The following HR variants were observed in gnomAD, a reference collection of about 807,000 sequenced individuals.
HR encodes the protein HR lysine demethylase and nuclear receptor corepressor, also known as lysine-specific demethylase hairless.
HR carries 83 observed loss-of-function variants against 128.6 expected under a neutral mutation model. The observed-to-expected ratio is 0.65, with a 90% confidence interval of 0.54 to 0.77. The LOEUF (loss-of-function observed/expected upper bound fraction) is 0.77, where lower values mean the gene tolerates loss of function less well. Among genes scored for constraint, HR ranks in the 30% least tolerant of loss-of-function variants. The pLI is 0.00. For missense variants in HR, 1,490 were observed against 1,574.6 expected, an observed-to-expected ratio of 0.95 and a Z score of 0.91; for synonymous variants, 681 against 658.2, an observed-to-expected ratio of 1.03 and a Z score of -0.53.
In HR at chr8:22,116,081, G is replaced by A. The variant is rs2131748315; in HGVS notation, c.3507+219C>T. ...ACCCAGGAGGCGGAGGTTGCAGGGA[G>A]CTGAGATAGTGCCACTGCACTCCAG... On this transcript the variant is annotated intron_variant, in intron 18 of 18. Coordinates refer to ENST00000381418, the MANE Select transcript of HR (RefSeq NM_005144.5). This position sits in a 1 kb window ranked among gnomAD's most constrained non-coding sequence, Gnocchi z 4.2. Among the ~76,000 whole-genome samples, 1 of 152,358 alleles carries A rather than the reference G, an allele frequency of 6.6e-6. No individual in the cohort carries two copies. Among genetic ancestry groups the A allele is most frequent in the East Asian group, 1.9e-4 (1 of 5,186 alleles).
In HR at chr8:22,125,625, C is replaced by T. The variant is rs1304764639; in HGVS notation, c.1513G>A (p.Gly505Arg). The T allele has an allele frequency of 2.5e-6, 4 of 1,609,482 alleles. No homozygotes were observed. In the East Asian group the frequency reaches 6.7e-5, roughly 27 times the overall value. Residue 505 changes from glycine to arginine, a missense_variant, in exon 4 of 19, where the codon GGA becomes AGA. Transcript: ENST00000381418. The stretch of plus-strand genomic sequence containing the variant: ...TGGCAGGCGTGCCCTCCTCCCTCTC[C>T]AGCTGCCTGGGCACAACTTTGGCAT... ...AQCQSCAQAA[G>R]EGGGHACHSQ... is the part of the protein sequence containing the mutation.
In HR at chr8:22,121,105, A is replaced by G. The variant is rs1826739505; in HGVS notation, c.2327T>C (p.Ile776Thr). 1 of 1,613,842 alleles carries G rather than the reference A, an allele frequency of 6.2e-7. No homozygotes were observed. Among genetic ancestry groups the G allele is most frequent in the Non-Finnish European group, 8.5e-7 (1 of 1,180,038 alleles). The part of the protein sequence containing the change: ...AVKLCLGHER[I>T]HMAFAPVTPA... ...AGTGACGGGGGCGAAGGCCATGTGTATTCGCTCATGGCCCAAGCAGAGTTT... is the reference window on the plus strand; with the variant it reads ...AGTGACGGGGGCGAAGGCCATGTGTGTTCGCTCATGGCCCAAGCAGAGTTT... Residue 776 changes from isoleucine to threonine, a missense_variant, in exon 10 of 19, where the codon ATA becomes ACA. Coordinates refer to ENST00000381418, the MANE Select transcript of HR (RefSeq NM_005144.5).
In HR at chr8:22,115,337, G is replaced by A. The variant is rs111510877; in HGVS notation, c.*363C>T. ...GGCTCAGCGGGAGTGAGCAGCAGGA[G>A]GAGGTGTTGTTTAAGCCAGAATGAT... On this transcript the variant is annotated 3_prime_UTR_variant, in exon 19 of 19. Transcript: ENST00000381418. 2.0e-4 allele frequency: 80 copies of A among 409,698 alleles called. No homozygotes were observed. Among genetic ancestry groups the A allele is most frequent in the African/African-American group, 1.5e-3 (73 of 49,700 alleles). The allele number at this position is 409,698 out of a possible 1,614,324, so 25.4% of individuals were successfully genotyped here.
chr8:22,122,927 C>T (rs370081751), intron 6 of HR, 48 bp from the exon 7 acceptor site: 18 of 1,523,548 alleles, frequency 1.2e-5, no homozygotes, highest in Non-Finnish European at 1.5e-5. Flanking sequence ...TCAAGGTAAT[C>T]ACAGGTTAAG....
rs1586385043 is a variant in HR, at chr8:22,127,323, G to T, written c.1119C>A (p.Pro373=). The T allele has an allele frequency of 1.9e-6, 3 of 1,613,398 alleles. No homozygotes were observed. Among genetic ancestry groups the T allele is most frequent in the Non-Finnish European group, 2.5e-6 (3 of 1,180,026 alleles). ...TCTTCTTCAGCTTGGTGTGGTGGCT[G>T]GGGGGACAGGCCCTGGGGCCAGAGG... The part of the protein sequence containing the change: ...NKASGPRACP[P]SHHTKLKKTW... Residue 373 remains proline (P), a synonymous_variant, in exon 3 of 19, where the codon CCC becomes CCA. Coordinates refer to ENST00000381418, the MANE Select transcript of HR (RefSeq NM_005144.5).
Position 22,119,905 on chromosome 8 carries a change from G to A in HR, c.2847-15C>T, listed in dbSNP as rs530270015. ...GGTTCTCCACCCTGTCAGGGTAGGG[G>A]GTCATGCCCAGCAGGCCCAACCTGG... On this transcript the variant is annotated splice_polypyrimidine_tract_variant and intron_variant, in intron 13 of 18. Transcript: ENST00000381418. 4 of 1,613,070 alleles carry A rather than the reference G, an allele frequency of 2.5e-6. No individual in the cohort carries two copies. The highest frequency in any genetic ancestry group is 2.7e-5 in the African/African-American group (2 of 75,054).
chr8:22,117,138 GAGCCGAAGGGTCA>G (rs1826613564), intron 16 of HR, 99 bp from the exon 17 acceptor site: 20 of 1,237,116 alleles, frequency 1.6e-5, no homozygotes, highest in Non-Finnish European at 2.0e-5. Flanking sequence ...GTGGAGAAAA[GAGCCGAAGGGTCA>G]AGTCTTGAAG....
At position 22,125,483 on chromosome 8, in the gene HR, C is replaced by T. The variant is rs754040708; in HGVS notation, c.1578G>A (p.Leu526=). 1 of 1,613,478 alleles carries T rather than the reference C, an allele frequency of 6.2e-7. No individual in the cohort carries two copies. Among genetic ancestry groups the T allele is most frequent in the Non-Finnish European group, 8.5e-7 (1 of 1,179,996 alleles). ...TGGTGGCTGTGTCTTCCTCCTGCTG[C>T]AGCTCCCCTCCCAGAGGCGATCTGG... is the stretch of plus-strand genomic sequence containing the variant. ...QVRRSPLGGE[L]QQEEDTATNS... Residue 526 remains leucine (L), a synonymous_variant, in exon 5 of 19, where the codon CTG becomes CTA. Coordinates refer to ENST00000381418, the MANE Select transcript of HR (RefSeq NM_005144.5).
Position 22,127,777 on chromosome 8 carries a change from G to T in HR, c.665C>A (p.Ala222Glu). ...GCCAAACAACCCAGGTTCCGCAGCT[G>T]CCAAGGGCTCCTTTGCCAACCTGGG... ...SIPRLAKEPLAAAEPGLFGLN... is the reference protein window; with the variant it reads ...SIPRLAKEPLEAAEPGLFGLN... Residue 222 changes from alanine to glutamate, a missense_variant, in exon 3 of 19, where the codon GCA becomes GAA. Coordinates refer to ENST00000381418, the MANE Select transcript of HR (RefSeq NM_005144.5). 1 of 1,599,960 alleles carries T rather than the reference G, an allele frequency of 6.3e-7. No individual in the cohort carries two copies.
chr8:22,127,394 C>T lies in HR; in HGVS notation c.1048G>A (p.Gly350Arg). ...GGTTCGCTGGCTCCACTGGCACCCC[C>T]CTCCAGGCCCTCCTGGCACTTCCCA... is the stretch of plus-strand genomic sequence containing the variant. ...PCGKCQEGLE[G>R]GASGASEPSE... The change falls in exon 3 of 19, where the codon GGG becomes AGG. Residue 350 changes from glycine (G) to arginine (R), a missense_variant. Transcript: ENST00000381418. 1.9e-6 allele frequency: 3 copies of T among 1,613,328 alleles called. No homozygotes were observed. Among genetic ancestry groups the T allele is most frequent in the Non-Finnish European group, 2.5e-6 (3 of 1,179,976 alleles).
rs540071488 is a variant in HR, at chr8:22,116,079, G to C, written c.3507+221C>G. ...GAACCCAGGAGGCGGAGGTTGCAGG[G>C]AGCTGAGATAGTGCCACTGCACTCC... On this transcript the variant is annotated intron_variant, in intron 18 of 18. Transcript: ENST00000381418. This position sits in a 1 kb window ranked among gnomAD's most constrained non-coding sequence, Gnocchi z 4.2. 1.2e-3 allele frequency among the ~76,000 whole-genome samples: 189 copies of C among 152,330 alleles called. 1 individual carries two copies. The highest frequency in any genetic ancestry group is 6.8e-3 in the Middle Eastern group (2 of 294).
Position 22,127,584 on chromosome 8 carries a change from A to G in HR, c.858T>C (p.Leu286=), listed in dbSNP as rs1826931791. Residue 286 remains leucine, a synonymous_variant, in exon 3 of 19, where the codon CTT becomes CTC. Transcript: ENST00000381418. The part of the protein sequence containing the change: ...WTSWPACPPG[L]VHTLGNVWAG... ...CCCAGACGTTGCCAAGAGTATGAAC[A>G]AGGCCTGGGGGACAAGCGGGCCAGG... The G allele has an allele frequency of 6.2e-7, 1 of 1,612,644 alleles. No individual in the cohort carries two copies.
In HR at chr8:22,129,050, G is replaced by A; in HGVS notation, c.121C>T (p.Leu41=). The A allele has an allele frequency of 6.2e-7, 1 of 1,600,564 alleles. No individual in the cohort carries two copies. Among genetic ancestry groups the A allele is most frequent in the Non-Finnish European group, 8.5e-7 (1 of 1,172,894 alleles). Residue 41 remains leucine (L), a synonymous_variant, in exon 2 of 19, where the codon CTG becomes TTG. Coordinates refer to ENST00000381418, the MANE Select transcript of HR (RefSeq NM_005144.5). ...AAGGGAGCAGGCTCTCCCAGGCACA[G>A]CGGCCCATGGTGCAGTCCATCTCGA... ...PPRDGLHHGP[L]CLGEPAPFWR... is the part of the protein sequence containing the mutation.
Position 22,115,321 on chromosome 8 carries a change from G to T in HR, c.*379C>A, listed in dbSNP as rs564996158. Reference sequence around the variant, plus strand: ...CTGGGGCAGTAGAGTGGGCTCAGCGGGAGTGAGCAGCAGGAGGAGGTGTTG... The same window carrying T: ...CTGGGGCAGTAGAGTGGGCTCAGCGTGAGTGAGCAGCAGGAGGAGGTGTTG... On this transcript the variant is annotated 3_prime_UTR_variant, in exon 19 of 19. Transcript: ENST00000381418. The T allele has an allele frequency of 7.5e-5, 28 of 374,750 alleles. No individual in the cohort carries two copies. The highest frequency in any genetic ancestry group is 5.7e-4 in the Admixed American group (15 of 26,334). 23.2% of individuals were successfully genotyped at this position (374,750 alleles called of 1,614,324 possible).
rs1237030510 is a variant in HR, at chr8:22,120,404, C to G, written c.2714G>C (p.Gly905Ala). The G allele has an allele frequency of 6.2e-7, 1 of 1,613,930 alleles. No individual in the cohort carries two copies. ...GGQVQALSPL[G>A]PPQPSSLGST... ...GCCCAGGCTGCTGGGCTGGGGAGGT[C>G]CGAGGGGGCTCAGCGCCTGCACCTG... The change falls in exon 12 of 19, where the codon GGA becomes GCA. Residue 905 changes from glycine to alanine, a missense_variant. Around this residue, in one of 3 missense-constraint regions of HR, gnomAD observed 423 missense variants for 495.9 expected, o/e 0.85. Coordinates refer to ENST00000381418, the MANE Select transcript of HR (RefSeq NM_005144.5).
rs1370481270 is a variant in HR, at chr8:22,116,113, T to G, written c.3507+187A>C. The stretch of plus-strand genomic sequence containing the variant: ...TAGTGCCACTGCACTCCAGCCTAGG[T>G]GACAGAACAAGACTCCATCTCAAAA... On this transcript the variant is annotated intron_variant, in intron 18 of 18. Transcript: ENST00000381418. The surrounding 1 kb of genome is among the most constrained non-coding windows in gnomAD (Gnocchi z 4.2). Among the ~76,000 whole-genome samples, 4 of 152,148 alleles carry G rather than the reference T, an allele frequency of 2.6e-5. No homozygotes were observed. In the East Asian group the frequency reaches 7.7e-4, roughly 29 times the overall value.
At chr8:22,122,418 G>A (rs1400896998) in intron 8 of HR, 75 bp downstream of exon 8, 8 of 1,035,898 alleles carry the variant, frequency 7.7e-6, no homozygotes, top group Non-Finnish European at 1.0e-5. Flanking sequence ...ACCAAGAAAA[G>A]GGGGGGCCAA....
At position 22,120,086 on chromosome 8, in the gene HR, C is replaced by T. The variant is rs777591770; in HGVS notation, c.2846+18G>A. The T allele has an allele frequency of 3.2e-6, 5 of 1,578,856 alleles. No individual in the cohort carries two copies. The highest frequency in any genetic ancestry group is 1.9e-5 in the Admixed American group (1 of 53,128). ...GCGGTGGCGGGGAGGTAGGGCTGGCCCTTGGTGACATACACACCTGCTGGT... is the reference window on the plus strand; with the variant it reads ...GCGGTGGCGGGGAGGTAGGGCTGGCTCTTGGTGACATACACACCTGCTGGT... On this transcript the variant is annotated intron_variant, in intron 13 of 18. Transcript: ENST00000381418.
Position 22,114,649 on chromosome 8 carries a change from G to A in HR, c.*1051C>T, listed in dbSNP as rs1011346375. 6.6e-6 allele frequency: 1 copy of A among 152,434 alleles called. No homozygotes were observed. The highest frequency in any genetic ancestry group is 1.5e-5 in the Non-Finnish European group (1 of 68,110). The allele number at this position is 152,434 out of a possible 1,614,324, so 9.4% of individuals were successfully genotyped here. On this transcript the variant is annotated 3_prime_UTR_variant, in exon 19 of 19. Coordinates refer to ENST00000381418, the MANE Select transcript of HR (RefSeq NM_005144.5). ...TCCCAGGGTGGCTGGGCCTGGCGTC[G>A]GCCATGGCCACTGCCACCAAGGGCA...
Sources: allele counts gnomAD v4.1 joint callset (sites outside exome capture counted in the v4.1 genomes callset), GRCh38; gene constraint gnomAD v4.1.1; regional missense constraint gnomAD v4.1.1; non-coding constraint Gnocchi (gnomAD v3.1); transcripts MANE v1.5; gene names NCBI Gene and HGNC (gene_info 2026-07-23, HGNC 2026-07-21).